The following CTNNA1 variants were observed in gnomAD, a reference collection of about 807,000 sequenced individuals.
CTNNA1 encodes catenin alpha 1, also known as catenin alpha-1.
A neutral mutation model predicts 98.4 loss-of-function variants in CTNNA1; 37 were observed. The ratio of observed to expected loss-of-function variants is 0.38; its 90% CI spans 0.29 to 0.49. CTNNA1 has a LOEUF of 0.49. Ranked by LOEUF, CTNNA1 falls within the 20% of genes least tolerant of loss-of-function variation. The pLI, the probability that CTNNA1 is intolerant of heterozygous loss-of-function variation, is 0.95. For synonymous variants in CTNNA1, 404 were observed against 413.2 expected, an observed-to-expected ratio of 0.98 and a Z score of 0.27; for missense variants, 761 against 1,147.2, an observed-to-expected ratio of 0.66 and a Z score of 4.86.
At chr5:138,857,790 A>AATTT (rs1763860908) in intron 7 of CTNNA1, among the ~76,000 whole-genome samples, 2 of 152,226 alleles carry the variant, frequency 1.3e-5, no homozygotes, top group Non-Finnish European at 2.9e-5. Context: ...CTGGCTCCAG[A>AATTT]ATTTGAGCCC....
rs201899693 is a variant in CTNNA1, at chr5:138,824,673, A to C, written c.732A>C (p.Ile244=). ...CCTATAAGGCCAACAGGGACCTGAT[A>C]TACAAGCAGCTGCAGCAGGCGGTCA... ...VAAYKANRDL[I]YKQLQQAVTG... Residue 244 remains isoleucine, a synonymous_variant, in exon 6 of 18, where the codon ATA becomes ATC. Coordinates refer to ENST00000302763, the MANE Select transcript of CTNNA1 (RefSeq NM_001903.5). The C allele has an allele frequency of 1.1e-5, 17 of 1,614,108 alleles. No homozygotes were observed. The highest frequency in any genetic ancestry group is 5.0e-5 in the Admixed American group (3 of 60,000).
chr5:138,821,963 A>G (rs554520303), intron 5 of CTNNA1, among the ~76,000 whole-genome samples: 42 of 152,332 alleles, frequency 2.8e-4, no homozygotes, highest in African/African-American at 9.9e-4. Flanking sequence ...CGTTTTCTTT[A>G]TGTAACAAAA....
At chr5:138,899,782 A>G (rs1257232228) in intron 9 of CTNNA1, among the ~76,000 whole-genome samples, 1 of 152,198 alleles carries the variant, frequency 6.6e-6, no homozygotes, top group Non-Finnish European at 1.5e-5. Flanking sequence ...AATTTCTCTT[A>G]ATTTTTCACC....
At chr5:138,761,322 C>T (rs7724102) in intron 1 of CTNNA1, among the ~76,000 whole-genome samples, 3,482 of 152,176 alleles carry the variant, frequency 0.023, 137 homozygotes, top group African/African-American at 0.081. Flanking sequence ...GCAACCTCCA[C>T]TTCCTGAGTT....
intron 13 of CTNNA1, among the ~76,000 whole-genome samples, chr5:138,928,166 A>G (rs1764530125): frequency 6.6e-6 from 1 of 152,150 alleles, no homozygotes; most frequent in Admixed American, 6.5e-5. Flanking sequence ...CTCCTGTCAC[A>G]GGCCAGCCGG....
At chr5:138,860,602 T>G (rs1764180677) in intron 7 of CTNNA1, among the ~76,000 whole-genome samples, 1 of 152,148 alleles carries the variant, frequency 6.6e-6, no homozygotes, top group Admixed American at 6.6e-5. Flanking sequence ...CTCAGGCGAT[T>G]CTCCTGCCTC....
At chr5:138,876,909 G>A (rs182040383) in intron 7 of CTNNA1, among the ~76,000 whole-genome samples, 3 of 152,246 alleles carry the variant, frequency 2.0e-5, no homozygotes, top group African/African-American at 7.2e-5. Flanking sequence ...AGTACAAGAG[G>A]CAAAAATGCC....
At chr5:138,823,825 C>T (rs1217883590) in intron 5 of CTNNA1, among the ~76,000 whole-genome samples, 4 of 149,804 alleles carry the variant, frequency 2.7e-5, no homozygotes, top group East Asian at 1.9e-4. Flanking sequence ...GGCGTAGTGG[C>T]GGGCGCCTGT....
chr5:138,764,813 GAT>G (rs1471416270), intron 1 of CTNNA1, among the ~76,000 whole-genome samples: 7 of 147,570 alleles, frequency 4.7e-5, no homozygotes, highest in Non-Finnish European at 1.0e-4. Context: ...TGAAAGATGT[GAT>G]GTTTTCTAGT....
At chr5:138,882,321 G>A (rs991092760) in intron 7 of CTNNA1, among the ~76,000 whole-genome samples, 15 of 152,136 alleles carry the variant, frequency 9.9e-5, no homozygotes, top group Non-Finnish European at 1.9e-4. Flanking sequence ...GAGAGAGCAC[G>A]GCATGTCTGA....
chr5:138,879,939 G>T (rs886470358), intron 7 of CTNNA1, among the ~76,000 whole-genome samples: 2 of 152,116 alleles, frequency 1.3e-5, no homozygotes, highest in African/African-American at 4.8e-5. Context: ...TTGCTGTTGG[G>T]GAAGTTTCAG....
Position 138,778,834 on chromosome 5 carries a change from T to G in CTNNA1, c.-2-3089T>G, listed in dbSNP as rs549877050. On this transcript the variant is annotated intron_variant, in intron 1 of 17. Coordinates refer to ENST00000302763, the MANE Select transcript of CTNNA1 (RefSeq NM_001903.5). ...CTATCTAATCTCCACTAAAGCTCTC[T>G]GAAGAAGGCAGTGGTTGGTAGTCTT... Among the ~76,000 whole-genome samples the G allele has an allele frequency of 7.2e-5, 11 of 152,316 alleles. 1 individual carries two copies. The highest frequency in any genetic ancestry group is 1.9e-4 in the African/African-American group (8 of 41,584).
At chr5:138,795,227 C>A (rs936786204) in intron 3 of CTNNA1, among the ~76,000 whole-genome samples, 1 of 148,414 alleles carries the variant, frequency 6.7e-6, no homozygotes, top group Admixed American at 6.7e-5. Context: ...TTTGGGAGGC[C>A]GAGGTGGGTG....
intron 2 of CTNNA1, among the ~76,000 whole-genome samples, chr5:138,782,899 T>C (rs1378878738): frequency 6.6e-6 from 1 of 152,250 alleles, no homozygotes; most frequent in Non-Finnish European, 1.5e-5. Flanking sequence ...TCTCTAATCA[T>C]TTTTTAATTT....
chr5:138,873,123 C>T lies in CTNNA1; in HGVS notation c.1063-13089C>T. The T allele has an allele frequency of 6.2e-7, 1 of 1,613,954 alleles. No individual in the cohort carries two copies. Among genetic ancestry groups the T allele is most frequent in the East Asian group, 2.2e-5 (1 of 44,884 alleles). ...TCATATTCATTATACGGTCCTTGGTCTGACATGTTTGACATATGGAGTCGT... is the reference window on the plus strand; with the variant it reads ...TCATATTCATTATACGGTCCTTGGTTTGACATGTTTGACATATGGAGTCGT... On this transcript the variant is annotated intron_variant, in intron 7 of 17. Transcript: ENST00000302763. The surrounding 1 kb of genome is among the most constrained non-coding windows in gnomAD (Gnocchi z 6.1).
rs1168723434 is a variant in CTNNA1 at position 138,873,535 on chromosome 5, A to G, written c.1063-12677A>G. ...GAATATCCTCTCCTTGGGTGTGGTCAGGACTGTGGCATAGGATGGAGTGTT... is the reference window on the plus strand; with the variant it reads ...GAATATCCTCTCCTTGGGTGTGGTCGGGACTGTGGCATAGGATGGAGTGTT... On this transcript the variant is annotated intron_variant, in intron 7 of 17. Transcript: ENST00000302763. This position sits in a 1 kb window ranked among gnomAD's most constrained non-coding sequence, Gnocchi z 6.1. The G allele has an allele frequency of 6.2e-7, 1 of 1,614,010 alleles. No individual in the cohort carries two copies. The highest frequency in any genetic ancestry group is 8.5e-7 in the Non-Finnish European group (1 of 1,179,892).
chr5:138,811,110 A>G (rs570184613), intron 4 of CTNNA1, among the ~76,000 whole-genome samples: 1 of 151,218 alleles, frequency 6.6e-6, no homozygotes, highest in Admixed American at 6.6e-5. Flanking sequence ...GGGGCTCCTC[A>G]TTTCTCAGAT....
At chr5:138,834,363 A>AT (rs902375243) in intron 7 of CTNNA1, among the ~76,000 whole-genome samples, 4 of 152,150 alleles carry the variant, frequency 2.6e-5, no homozygotes, top group African/African-American at 9.7e-5. Context: ...ATGTACACTT[A>AT]TATCTGTTCT....
intron 1 of CTNNA1, among the ~76,000 whole-genome samples, chr5:138,775,211 A>G (rs1180408178): frequency 6.6e-6 from 1 of 152,150 alleles, no homozygotes; most frequent in Non-Finnish European, 1.5e-5. Context: ...ATGCTAGGAT[A>G]TGTAGGATCC....
Sources: gnomAD v4.1 joint callset for allele counts (sites outside exome capture counted in the v4.1 genomes callset) on GRCh38, gnomAD v4.1.1 for gene constraint, Gnocchi (gnomAD v3.1) non-coding constraint, MANE v1.5 for transcripts, NCBI Gene and HGNC (gene_info 2026-07-23, HGNC 2026-07-21) for gene names.